Variants in CHRNA9 observed in about 807,000 individuals in gnomAD.
CHRNA9 encodes neuronal acetylcholine receptor subunit alpha-9.
In CHRNA9, 24 loss-of-function variants were observed where a neutral mutation model predicts 36.8. The ratio of observed to expected loss-of-function variants is 0.65; its 90% CI spans 0.47 to 0.92. The LOEUF is 0.92. Among genes scored for constraint, CHRNA9 ranks in the 40% least tolerant of loss-of-function variants. The pLI, the probability that CHRNA9 is intolerant of heterozygous loss-of-function variation, is 0.00. For synonymous variants in CHRNA9, 231 were observed against 231.8 expected (o/e 1.00, Z 0.03); for missense variants, 610 against 601.2 (o/e 1.01, Z -0.15).
At chr4:40,337,564 A>T (rs1230283768) in intron 3 of CHRNA9, among the ~76,000 whole-genome samples, 200 bp downstream of exon 3, 1 of 152,232 alleles carries the variant, frequency 6.6e-6, no homozygotes, top group Admixed American at 6.5e-5. Flanking sequence ...GAAAGAAACC[A>T]TCCATCTACA....
At chr4:40,340,617 G>A (rs1712471778) in intron 3 of CHRNA9, among the ~76,000 whole-genome samples, 1 of 152,088 alleles carries the variant, frequency 6.6e-6, no homozygotes, top group Admixed American at 6.6e-5. Flanking sequence ...GCAACACAAT[G>A]GGCTTCCTGA....
chr4:40,350,121 T>C (rs561721634), intron 4 of CHRNA9, among the ~76,000 whole-genome samples: 7 of 152,168 alleles, frequency 4.6e-5, no homozygotes, highest in Non-Finnish European at 8.8e-5. Context: ...GGCAGAAAGA[T>C]GTGCTTTTTA....
chr4:40,353,317 C>A (rs962257327), intron 4 of CHRNA9, among the ~76,000 whole-genome samples: 1 of 152,088 alleles, frequency 6.6e-6, no homozygotes, highest in Non-Finnish European at 1.5e-5. Context: ...ATGGCGAAAC[C>A]CCCTCTCTAC....
intron 3 of CHRNA9, among the ~76,000 whole-genome samples, chr4:40,347,512 T>G (rs1712668547): frequency 6.6e-6 from 1 of 152,242 alleles, no homozygotes; most frequent in African/African-American, 2.4e-5. Flanking sequence ...TAGAAGAGTA[T>G]GAACAAATGA....
In CHRNA9 at chr4:40,346,051, CAAA is replaced by C. The variant is rs927568812; in HGVS notation, c.366-2828_366-2826del. 5.9e-5 allele frequency among the ~76,000 whole-genome samples: 9 copies of C among 151,692 alleles called. No individual in the cohort carries two copies. The South Asian group carries it at 8.4e-4, about 14-fold the overall frequency. On this transcript the variant is annotated intron_variant, in intron 3 of 4. Transcript: ENST00000310169. Reference sequence around the variant, plus strand: ...AAACAAACAACAACAACAACAACAACAAAAACCCACAACCTACTCCAAAGCAGC... The same window carrying C: ...AAACAAACAACAACAACAACAACAACAACCCACAACCTACTCCAAAGCAGC...
chr4:40,350,992 AAAATT>A (rs1490296383), intron 4 of CHRNA9, among the ~76,000 whole-genome samples: 10 of 152,118 alleles, frequency 6.6e-5, no homozygotes, highest in South Asian at 2.1e-4. Flanking sequence ...TTATCTTTTA[AAAATT>A]AAATTAAATT....
rs1276885475 is a variant in CHRNA9 at position 40,349,053 on chromosome 4, T to C, written c.537T>C (p.Asn179=). The C allele has an allele frequency of 1.9e-6, 3 of 1,614,048 alleles. No individual in the cohort carries two copies. The highest frequency in any genetic ancestry group is 2.5e-6 in the Non-Finnish European group (3 of 1,180,022). The change falls in exon 4 of 5, where the codon AAT becomes AAC. Residue 179 remains asparagine, a synonymous_variant. Transcript: ENST00000310169. ...CNLTFGSWTY[N]GNQVDIFNAL... ...TGACTTTTGGTTCCTGGACCTACAATGGCAATCAGGTGGACATATTCAACG... is the reference window on the plus strand; with the variant it reads ...TGACTTTTGGTTCCTGGACCTACAACGGCAATCAGGTGGACATATTCAACG...
At chr4:40,352,365 G>A (rs1306312541) in intron 4 of CHRNA9, among the ~76,000 whole-genome samples, 1 of 152,044 alleles carries the variant, frequency 6.6e-6, no homozygotes, top group Non-Finnish European at 1.5e-5. Context: ...GGGATTACAG[G>A]CACGTGCCAA....
chr4:40,335,616 A>T lies in CHRNA9; in HGVS notation c.64+85A>T, dbSNP rs1712293948. 8 of 1,148,350 alleles carry T rather than the reference A, an allele frequency of 7.0e-6. No individual in the cohort carries two copies. In the South Asian group the frequency reaches 8.6e-5, roughly 12 times the overall value. The allele number at this position is 1,148,350 out of a possible 1,614,324, so 71.1% of individuals were successfully genotyped here. A position where few individuals can be genotyped will look rare whatever the true frequency, so the allele number is the denominator to read the frequency against. On this transcript the variant is annotated intron_variant, in intron 1 of 4. Coordinates refer to ENST00000310169, the MANE Select transcript of CHRNA9 (RefSeq NM_017581.4). Reference sequence around the variant, plus strand: ...AGGTGGGGCAGGACAGGGAAGACAAAACAGATGATTCAACCGCATGGAAGT... The same window carrying T: ...AGGTGGGGCAGGACAGGGAAGACAATACAGATGATTCAACCGCATGGAAGT...
intron 3 of CHRNA9, among the ~76,000 whole-genome samples, chr4:40,343,020 C>A (rs1464858841): frequency 6.6e-6 from 1 of 152,164 alleles, no homozygotes; most frequent in Non-Finnish European, 1.5e-5. Context: ...GATCCTGGGA[C>A]TGAGTAAACA....
At position 40,337,370 on chromosome 4, in the gene CHRNA9, T is replaced by A; in HGVS notation, c.365+6T>A. On this transcript the variant is annotated splice_donor_region_variant and intron_variant, in intron 3 of 4. Coordinates refer to ENST00000310169, the MANE Select transcript of CHRNA9 (RefSeq NM_017581.4). Reference sequence around the variant, plus strand: ...GACATCGTCTTATATAACAAGTAAGTGCAGCTCAGAACTGAGGCTTTTCAG... The same window carrying A: ...GACATCGTCTTATATAACAAGTAAGAGCAGCTCAGAACTGAGGCTTTTCAG... The A allele has an allele frequency of 1.2e-6, 2 of 1,613,340 alleles. No individual in the cohort carries two copies. Among genetic ancestry groups the A allele is most frequent in the Non-Finnish European group, 1.7e-6 (2 of 1,179,324 alleles).
Position 40,335,947 on chromosome 4 carries a change from T to C in CHRNA9, c.185T>C (p.Ile62Thr), listed in dbSNP as rs1179591889. The change falls in exon 2 of 5, where the codon ATT becomes ACT. Residue 62 changes from isoleucine (I) to threonine (T), a missense_variant. Ile to Thr is a moderately conservative substitution (Grantham distance 89, BLOSUM62 -1). Transcript: ENST00000310169. ...TDKVLNVTLQITLSQIKDMDE... is the reference protein window; with the variant it reads ...TDKVLNVTLQTTLSQIKDMDE... ...AAAGTCCTGAATGTGACCCTGCAGATTACGCTCTCTCAGATTAAGGATATG... is the reference window on the plus strand; with the variant it reads ...AAAGTCCTGAATGTGACCCTGCAGACTACGCTCTCTCAGATTAAGGATATG... The C allele has an allele frequency of 1.2e-6, 2 of 1,613,262 alleles. No individual in the cohort carries two copies. Among genetic ancestry groups the C allele is most frequent in the African/African-American group, 1.3e-5 (1 of 75,036 alleles).
At chr4:40,344,361 G>A (rs530818304) in intron 3 of CHRNA9, among the ~76,000 whole-genome samples, 8 of 152,076 alleles carry the variant, frequency 5.3e-5, no homozygotes, top group South Asian at 4.2e-4. Context: ...CAAGATTCCC[G>A]TCTCTACTAA....
In CHRNA9 at chr4:40,354,579, C is replaced by A; in HGVS notation, c.*59C>A. ...TTAATACAATTCCCTGTGATCTATT[C>A]CAATGTTCTTCCAAGATTTTTGTTC... On this transcript the variant is annotated 3_prime_UTR_variant, in exon 5 of 5. Transcript: ENST00000310169. 7.4e-7 allele frequency: 1 copy of A among 1,354,946 alleles called. No individual in the cohort carries two copies. The allele number at this position is 1,354,946 out of a possible 1,614,324, so 83.9% of individuals were successfully genotyped here.
rs892069518 is a variant in CHRNA9, at chr4:40,344,158, G to A, written c.366-4724G>A. ...AACAGATCTTCCCCTGGAGTCTCCA[G>A]AAGGAATGCAGCCCTGCTCACATTG... On this transcript the variant is annotated intron_variant, in intron 3 of 4. Transcript: ENST00000310169. Among the ~76,000 whole-genome samples the A allele has an allele frequency of 3.9e-5, 6 of 152,240 alleles. No individual in the cohort carries two copies. The South Asian group carries it at 1.0e-3, about 26-fold the overall frequency.
At chr4:40,342,114 C>T (rs1463286584) in intron 3 of CHRNA9, among the ~76,000 whole-genome samples, 1 of 152,146 alleles carries the variant, frequency 6.6e-6, no homozygotes, top group Non-Finnish European at 1.5e-5. Flanking sequence ...GAACTGGGTG[C>T]CCTATTGTAT....
chr4:40,344,368 C>A (rs1404358776), intron 3 of CHRNA9, among the ~76,000 whole-genome samples: 1 of 152,016 alleles, frequency 6.6e-6, no homozygotes, highest in Non-Finnish European at 1.5e-5. Flanking sequence ...CCCGTCTCTA[C>A]TAAAAATACA....
intron 4 of CHRNA9, 106 bp from the exon 5 acceptor site, chr4:40,353,873 A>G: frequency 9.5e-7 from 1 of 1,053,536 alleles, no homozygotes; most frequent in South Asian, 1.5e-5. Flanking sequence ...AAAATCACCT[A>G]ATGACTAATA....
intron 3 of CHRNA9, among the ~76,000 whole-genome samples, chr4:40,342,589 T>C (rs1712528300): frequency 6.6e-6 from 1 of 152,088 alleles, no homozygotes; most frequent in Non-Finnish European, 1.5e-5. Context: ...AATCCCAATG[T>C]TTGGGAAGAG....
Sources: allele counts gnomAD v4.1 joint callset (sites outside exome capture counted in the v4.1 genomes callset), GRCh38; gene constraint gnomAD v4.1.1; transcripts MANE v1.5; gene names NCBI Gene and HGNC (gene_info 2026-07-23, HGNC 2026-07-21).